The following ARMC2 variants were observed in gnomAD, a reference collection of about 807,000 sequenced individuals.
ARMC2 encodes the protein armadillo repeat containing 2, also known as armadillo repeat-containing protein 2.
Under a neutral mutation model 90.3 loss-of-function variants are expected in ARMC2, and 67 were observed. That is an observed-to-expected ratio of 0.74 (90% CI 0.61 to 0.91). The LOEUF (loss-of-function observed/expected upper bound fraction) is 0.91, where lower values mean the gene tolerates loss of function less well. ARMC2 is among the 40% of genes least tolerant of loss of function. The pLI is 0.00. For synonymous variants in ARMC2, 393 were observed against 393.0 expected (o/e 1.00, Z 0.00); for missense variants, 920 against 1,030.9 (o/e 0.89, Z 1.47).
the ARMC2 span, among the ~76,000 whole-genome samples, chr6:109,046,218 C>T: frequency 1.4e-5 from 2 of 146,204 alleles, no homozygotes; most frequent in African/African-American, 2.5e-5. Flanking sequence ...CTCAGCCTGC[C>T]GAGTGCCTGC....
At chr6:109,011,253 C>G in the ARMC2 span, among the ~76,000 whole-genome samples, 1 of 152,158 alleles carries the variant, frequency 6.6e-6, no homozygotes, top group East Asian at 1.9e-4. Flanking sequence ...TAGGCTGATA[C>G]TTAGTGCTTG....
At chr6:109,033,315 TA>T in the ARMC2 span, among the ~76,000 whole-genome samples, 1 of 152,214 alleles carries the variant, frequency 6.6e-6, no homozygotes, top group Non-Finnish European at 1.5e-5. Flanking sequence ...GGCAGACTGT[TA>T]AAAACTGATT....
chr6:108,921,423 A>G (rs2128480720), intron 10 of ARMC2, among the ~76,000 whole-genome samples: 1 of 152,356 alleles, frequency 6.6e-6, no homozygotes, highest in East Asian at 1.9e-4. Flanking sequence ...AGGCCTGTGT[A>G]GCCAGGCACC....
At chr6:109,034,941 G>C in the ARMC2 span, among the ~76,000 whole-genome samples, 1 of 152,076 alleles carries the variant, frequency 6.6e-6, no homozygotes, top group Admixed American at 6.6e-5. Flanking sequence ...TTTATATCAG[G>C]GTTTCTGTCA....
At chr6:108,940,027 T>C (rs975844577) in intron 12 of ARMC2, among the ~76,000 whole-genome samples, 1 of 152,258 alleles carries the variant, frequency 6.6e-6, no homozygotes, top group African/African-American at 2.4e-5. Context: ...ATTTTCTCTC[T>C]CTTCTTTTTC....
the ARMC2 span, among the ~76,000 whole-genome samples, chr6:109,026,397 A>G: frequency 2.2e-4 from 33 of 152,254 alleles, no homozygotes; most frequent in Non-Finnish European, 4.6e-4. Context: ...TCACCTACCC[A>G]GAATAGTACA....
At position 108,961,646 on chromosome 6, in the gene ARMC2, C is replaced by A. The variant is rs557799978; in HGVS notation, c.1990C>A (p.Gln664Lys). 2.5e-6 allele frequency: 4 copies of A among 1,611,554 alleles called. No homozygotes were observed. In the South Asian group the frequency reaches 4.4e-5, roughly 18 times the overall value. Residue 664 changes from glutamine to lysine, a missense_variant, in exon 14 of 18, where the codon CAA becomes AAA. Coordinates refer to ENST00000392644, the MANE Select transcript of ARMC2 (RefSeq NM_032131.6). ...GACAATCAACAATTTATCTTACTAC[C>A]AAGTGAAGAATTCCATAATTCAAGA... ...TATINNLSYYQVKNSIIQDKK... is the reference protein window; with the variant it reads ...TATINNLSYYKVKNSIIQDKK...
the ARMC2 span, among the ~76,000 whole-genome samples, chr6:108,995,834 A>T: frequency 6.7e-6 from 1 of 150,042 alleles, no homozygotes; most frequent in African/African-American, 2.4e-5. Flanking sequence ...TACATACAAA[A>T]TTAATGTTTC....
At chr6:108,862,207 G>T (rs1345564820) in intron 3 of ARMC2, among the ~76,000 whole-genome samples, 2 of 151,950 alleles carry the variant, frequency 1.3e-5, no homozygotes, top group Middle Eastern at 3.2e-3. Context: ...AGCCAGGTGT[G>T]GTGGCGCATG....
At chr6:108,944,048 A>G (rs1404123763) in intron 12 of ARMC2, among the ~76,000 whole-genome samples, 3 of 152,200 alleles carry the variant, frequency 2.0e-5, no homozygotes, top group Non-Finnish European at 4.4e-5. Flanking sequence ...TTGAGACCCT[A>G]TGGTTTAAGT....
intron 9 of ARMC2, 116 bp from the exon 10 acceptor site, chr6:108,912,219 T>C (rs1440699178): frequency 1.3e-6 from 1 of 764,610 alleles, no homozygotes; most frequent in Non-Finnish European, 2.0e-6. Flanking sequence ...CACTTGAATG[T>C]AGATTTTGAT....
intron 2 of ARMC2, chr6:108,856,746 G>C (rs917425135): frequency 2.0e-5 from 3 of 152,412 alleles, no homozygotes; most frequent in Admixed American, 1.3e-4. Flanking sequence ...ATGGCAATGG[G>C]TTATGAGGGA....
the ARMC2 span, among the ~76,000 whole-genome samples, chr6:108,989,514 T>TAGAGAGAG: frequency 1.3e-5 from 2 of 150,800 alleles, no homozygotes; most frequent in African/African-American, 4.9e-5. Flanking sequence ...TCTATATATA[T>TAGAGAGAG]ATAGAGAGAT....
intron 3 of ARMC2, among the ~76,000 whole-genome samples, chr6:108,862,804 C>T (rs965592378): frequency 6.6e-6 from 1 of 152,206 alleles, no homozygotes; most frequent in Middle Eastern, 3.2e-3. Flanking sequence ...ATCTAGGACA[C>T]TTTTCAGACC....
At chr6:108,954,798 GT>G (rs1277913212) in intron 13 of ARMC2, among the ~76,000 whole-genome samples, 1 of 152,234 alleles carries the variant, frequency 6.6e-6, no homozygotes, top group African/African-American at 2.4e-5. Flanking sequence ...TGGGTAACCA[GT>G]TCTGTGCTAT....
intron 12 of ARMC2, among the ~76,000 whole-genome samples, chr6:108,940,807 A>G (rs1776374773): frequency 6.6e-6 from 1 of 152,250 alleles, no homozygotes; most frequent in African/African-American, 2.4e-5. Flanking sequence ...TACCCTCACT[A>G]TCTGCCTAAA....
Position 108,904,319 on chromosome 6 carries a change from A to G in ARMC2, c.937A>G (p.Arg313Gly). 2 of 1,613,958 alleles carry G rather than the reference A, an allele frequency of 1.2e-6. No individual in the cohort carries two copies. Among genetic ancestry groups the G allele is most frequent in the South Asian group, 1.1e-5 (1 of 91,078 alleles). ...GNMLGNKFKG[R>G]SILLKTLCKL... ...CATGCTTGGAAATAAATTTAAGGGA[A>G]GAAGTATTCTCCTGAAGACCCTGTG... The change falls in exon 8 of 18, where the codon AGA (arginine) becomes GGA (glycine). Residue 313 changes from arginine (R) to glycine (G), a missense_variant. Coordinates refer to ENST00000392644, the MANE Select transcript of ARMC2 (RefSeq NM_032131.6).
chr6:108,918,026 A>G (rs2768564), intron 10 of ARMC2, among the ~76,000 whole-genome samples: 110,960 of 151,886 alleles, frequency 0.73, 41,048 homozygotes, highest in Middle Eastern at 0.81. Context: ...CAGGCCTCTC[A>G]AGTAGGAAGT....
the ARMC2 span, among the ~76,000 whole-genome samples, chr6:108,987,854 G>C: frequency 6.7e-6 from 1 of 148,926 alleles, no homozygotes; most frequent in Non-Finnish European, 1.5e-5. Flanking sequence ...CCAGGCTCGG[G>C]TGCAGTGGCA....
Sources: gnomAD v4.1 joint callset for allele counts (sites outside exome capture counted in the v4.1 genomes callset) on GRCh38, gnomAD v4.1.1 for gene constraint, MANE v1.5 for transcripts, NCBI Gene and HGNC (gene_info 2026-07-23, HGNC 2026-07-21) for gene names.